CENPP: variants seen among roughly 807,000 people sequenced by gnomAD.
CENPP encodes centromere protein P.
A neutral mutation model predicts 35.6 loss-of-function variants in CENPP; 24 were observed. That is an observed-to-expected ratio of 0.67 (90% CI 0.49 to 0.95). The LOEUF (loss-of-function observed/expected upper bound fraction) is 0.95, where lower values mean the gene tolerates loss of function less well. Among genes scored for constraint, CENPP ranks in the 40% least tolerant of loss-of-function variants. CENPP has a pLI of 0.00. For synonymous variants in CENPP, 120 were observed against 125.5 expected, an observed-to-expected ratio of 0.96 and a Z score of 0.29; for missense variants, 332 against 345.3, an observed-to-expected ratio of 0.96 and a Z score of 0.31.
chr9:92,429,814 C>G (rs868256834), intron 5 of CENPP, among the ~76,000 whole-genome samples: 2 of 152,058 alleles, frequency 1.3e-5, no homozygotes, highest in Middle Eastern at 6.8e-3. Flanking sequence ...TCATCATCAT[C>G]ATCATCATCT....
chr9:92,467,859 A>G (rs1845371271), intron 5 of CENPP, among the ~76,000 whole-genome samples: 1 of 152,204 alleles, frequency 6.6e-6, no homozygotes, highest in Admixed American at 6.5e-5. Flanking sequence ...TTTTGTTACC[A>G]ACTGGTAAAA....
At chr9:92,416,605 A>G in intron 5 of CENPP, 2 of 1,422,140 alleles carry the variant, frequency 1.4e-6, no homozygotes, top group South Asian at 1.4e-5. Flanking sequence ...AAAACACAAT[A>G]AAAGTCTACA....
intron 5 of CENPP, among the ~76,000 whole-genome samples, chr9:92,413,405 A>T (rs1843500775): frequency 1.3e-5 from 2 of 152,062 alleles, no homozygotes; most frequent in African/African-American, 2.4e-5. Context: ...AACACTTGTT[A>T]TTTGTCTGCC....
At position 92,365,513 on chromosome 9, in the gene CENPP, C is replaced by T. The variant is rs916294250; in HGVS notation, c.468-14250C>T. ...ACAACCTCCACCTCCTGGGTTCAAG[C>T]GATTCTCCTGCCTCAGCCTCCTGAG... On this transcript the variant is annotated intron_variant, in intron 4 of 7. Transcript: ENST00000375587. 1.5e-4 allele frequency among the ~76,000 whole-genome samples: 23 copies of T among 148,562 alleles called. 1 individual carries two copies. Among genetic ancestry groups the T allele is most frequent in the East Asian group, 1.0e-3 (5 of 4,990 alleles).
At chr9:92,491,601 C>T (rs1386878077) in intron 5 of CENPP, among the ~76,000 whole-genome samples, 1 of 152,110 alleles carries the variant, frequency 6.6e-6, no homozygotes, top group African/African-American at 2.4e-5. Context: ...CATGGTGACA[C>T]CCCAAGTTCA....
intron 5 of CENPP, among the ~76,000 whole-genome samples, chr9:92,431,074 G>A (rs971120043): frequency 6.6e-6 from 1 of 152,176 alleles, no homozygotes; most frequent in African/African-American, 2.4e-5. Context: ...GATTACAGGC[G>A]TGAGCCACTG....
chr9:92,495,359 A>G (rs891098850), intron 5 of CENPP: 2 of 967,816 alleles, frequency 2.1e-6, no homozygotes, highest in Non-Finnish European at 2.5e-6. Context: ...GGGCCAATAC[A>G]TAGTAAAGAC....
At chr9:92,457,511 A>G in intron 5 of CENPP, 7 of 1,511,702 alleles carry the variant, frequency 4.6e-6, no homozygotes, top group Non-Finnish European at 6.4e-6. Context: ...AAAAGAAAGG[A>G]TTAAAAATAC....
chr9:92,532,889 C>T (rs554894795), intron 5 of CENPP, among the ~76,000 whole-genome samples: 12 of 152,086 alleles, frequency 7.9e-5, no homozygotes, highest in African/African-American at 2.9e-4. Flanking sequence ...GATGGAGTGC[C>T]AGATATTGTA....
At position 92,379,847 on chromosome 9, in the gene CENPP, T is replaced by G; in HGVS notation, c.552T>G (p.Phe184Leu). The change falls in exon 5 of 8, where the codon TTT (phenylalanine) becomes TTG (leucine). Residue 184 changes from phenylalanine (F) to leucine (L), a missense_variant. By Grantham distance (22) the Phe-to-Leu change is conservative (BLOSUM62 0). Transcript: ENST00000375587. ...GGTTTGAATATCGTAAGCGCACGTT[T>G]AAACATCTCAAGGTAAAGTCTGAAG... ...VEWFEYRKRT[F>L]KHLKEKYPDA... 8.1e-6 allele frequency: 13 copies of G among 1,607,166 alleles called. No individual in the cohort carries two copies. The highest frequency in any genetic ancestry group is 1.1e-5 in the Non-Finnish European group (13 of 1,173,742).
chr9:92,390,071 A>T (rs1564292817), intron 5 of CENPP: 1 of 1,455,548 alleles, frequency 6.9e-7, no homozygotes. Context: ...AGGGAAAAAA[A>T]TATAAAAAAC....
chr9:92,585,653 A>G (rs913825397), intron 5 of CENPP, among the ~76,000 whole-genome samples: 20 of 152,210 alleles, frequency 1.3e-4, no homozygotes, highest in African/African-American at 4.6e-4. Flanking sequence ...TAAACTGCCA[A>G]AAATTGACAG....
chr9:92,619,271 A>AAGTT lies in CENPP; in HGVS notation c.*6124_*6127dup, dbSNP rs1212678009. ...CTTTCAATGTACTAACAATCCTTTT[A>AAGTT]AGTTATTCTCCATAAATCTGTCTTT... On this transcript the variant is annotated 3_prime_UTR_variant, in exon 8 of 8. Transcript: ENST00000375587. 7.4e-6 allele frequency: 4 copies of AAGTT among 543,952 alleles called. No individual in the cohort carries two copies. Among genetic ancestry groups the AAGTT allele is most frequent in the African/African-American group, 5.6e-5 (3 of 53,112 alleles). 33.7% of individuals were successfully genotyped at this position (543,952 alleles called of 1,614,324 possible).
chr9:92,556,797 G>A (rs574090241), intron 5 of CENPP, among the ~76,000 whole-genome samples: 1 of 152,300 alleles, frequency 6.6e-6, no homozygotes, highest in South Asian at 2.1e-4. Context: ...CTGCTGTTGT[G>A]TATCTTTTAA....
chr9:92,600,721 C>T (rs1241522184), intron 5 of CENPP, among the ~76,000 whole-genome samples: 2 of 152,238 alleles, frequency 1.3e-5, no homozygotes, highest in African/African-American at 2.4e-5. Flanking sequence ...TTATGCCCCA[C>T]CATGGGTTTG....
intron 4 of CENPP, among the ~76,000 whole-genome samples, chr9:92,374,186 A>G (rs1471470184): frequency 1.3e-5 from 2 of 150,460 alleles, no homozygotes; most frequent in Non-Finnish European, 3.0e-5. Context: ...TAATCCATTT[A>G]CATTTAAACC....
intron 5 of CENPP, among the ~76,000 whole-genome samples, chr9:92,488,941 GA>G (rs889294262): frequency 3.0e-4 from 46 of 152,074 alleles, no homozygotes; most frequent in African/African-American, 9.9e-4. Flanking sequence ...TTATACAAAG[GA>G]AAAAATATGC....
intron 5 of CENPP, among the ~76,000 whole-genome samples, chr9:92,585,723 A>G (rs1489603403): frequency 1.3e-5 from 2 of 152,216 alleles, no homozygotes; most frequent in Non-Finnish European, 2.9e-5. Context: ...GAACTTTCAG[A>G]ACACTTGCAA....
intron 5 of CENPP, among the ~76,000 whole-genome samples, chr9:92,554,172 A>AT (rs1462750320): frequency 6.7e-6 from 1 of 148,916 alleles, no homozygotes; most frequent in Non-Finnish European, 1.5e-5. Context: ...TTATCATGTG[A>AT]TTTTTGTTTT....
Sources: gnomAD v4.1 joint callset for allele counts (sites outside exome capture counted in the v4.1 genomes callset) on GRCh38, gnomAD v4.1.1 for gene constraint, MANE v1.5 for transcripts, NCBI Gene and HGNC (gene_info 2026-07-23, HGNC 2026-07-21) for gene names.